TSHR: variants seen among roughly 807,000 people sequenced by gnomAD.
TSHR encodes the protein thyroid stimulating hormone receptor, also known as thyrotropin receptor.
In TSHR, 51 loss-of-function variants were observed where a neutral mutation model predicts 64.1. The observed-to-expected ratio is 0.80, with a 90% CI of 0.64 to 1.01. TSHR has a LOEUF of 1.01. Among genes scored for constraint, TSHR ranks in the 50% least tolerant of loss-of-function variants. The pLI is 0.00. For synonymous variants in TSHR, 361 were observed against 361.9 expected (o/e 1.00, Z 0.03); for missense variants, 877 against 942.8 (o/e 0.93, Z 0.91).
chr14:81,006,704 G>A (rs1889622844), intron 1 of TSHR, among the ~76,000 whole-genome samples: 1 of 151,920 alleles, frequency 6.6e-6, no homozygotes, highest in African/African-American at 2.4e-5. Context: ...TAGTAGAAAT[G>A]GGGTTTCACC....
At chr14:81,018,439 T>G (rs1374718640) in intron 1 of TSHR, among the ~76,000 whole-genome samples, 7 of 152,178 alleles carry the variant, frequency 4.6e-5, no homozygotes, top group Non-Finnish European at 8.8e-5. Context: ...ACACAGCGAA[T>G]GAGGAAGCAG....
At chr14:81,097,543 C>A (rs561260127) in intron 7 of TSHR, among the ~76,000 whole-genome samples, 29 of 152,230 alleles carry the variant, frequency 1.9e-4, no homozygotes, top group African/African-American at 6.5e-4. Context: ...CTAACAAACT[C>A]CCAGGTGATG....
At chr14:81,024,831 A>G (rs940729466) in intron 1 of TSHR, among the ~76,000 whole-genome samples, 2 of 152,188 alleles carry the variant, frequency 1.3e-5, no homozygotes, top group African/African-American at 4.8e-5. Flanking sequence ...CACTTTCAGC[A>G]ACACTAATGG....
intron 4 of TSHR, among the ~76,000 whole-genome samples, chr14:81,089,290 T>C (rs1888541496): frequency 6.6e-6 from 1 of 152,054 alleles, no homozygotes; most frequent in East Asian, 1.9e-4. Context: ...GCCTGGCCAA[T>C]AGTTGTATAT....
intron 1 of TSHR, among the ~76,000 whole-genome samples, chr14:80,990,934 C>G (rs1040725480): frequency 3.3e-5 from 5 of 152,214 alleles, no homozygotes; most frequent in African/African-American, 1.2e-4. Flanking sequence ...AGATTACAGG[C>G]ATGAGCCACT....
chr14:81,109,939 T>A (rs1185179930), intron 8 of TSHR, among the ~76,000 whole-genome samples: 1 of 152,230 alleles, frequency 6.6e-6, no homozygotes, highest in Non-Finnish European at 1.5e-5. Flanking sequence ...GGAAGATATT[T>A]TTCAATAACA....
intron 1 of TSHR, among the ~76,000 whole-genome samples, chr14:81,024,309 C>T (rs199654795): frequency 2.2e-4 from 33 of 151,858 alleles, no homozygotes; most frequent in Non-Finnish European, 4.1e-4. Context: ...AGTGCAGTGG[C>T]GCAATCTCGG....
chr14:81,068,272 G>A lies in TSHR; in HGVS notation c.261G>A (p.Val87=), dbSNP rs1383192232. ...CATTCAGCTACGTATCTATAGATGTGACTCTGCAGCAGCTGGAATCACACT... is the reference window on the plus strand; with the variant it reads ...CATTCAGCTACGTATCTATAGATGTAACTCTGCAGCAGCTGGAATCACACT... The part of the protein sequence containing the change: ...NISRIYVSID[V]TLQQLESHSF... Residue 87 remains valine (V), a synonymous_variant, in exon 3 of 10, where the codon GTG becomes GTA. Transcript: ENST00000298171. 6.2e-7 allele frequency: 1 copy of A among 1,612,938 alleles called. No homozygotes were observed.
At chr14:81,003,630 G>A in intron 1 of TSHR, 1 of 182,246 alleles carries the variant, frequency 5.5e-6, no homozygotes, top group Non-Finnish European at 1.2e-5. Context: ...TCTGGGTCGA[G>A]TGAATAGCAA....
At chr14:81,015,157 A>C (rs1358882916) in intron 1 of TSHR, among the ~76,000 whole-genome samples, 1 of 152,188 alleles carries the variant, frequency 6.6e-6, no homozygotes, top group Non-Finnish European at 1.5e-5. Context: ...CAAACAACCA[A>C]AATCCTTTTG....
intron 8 of TSHR, among the ~76,000 whole-genome samples, chr14:81,115,254 C>G (rs1451303971): frequency 1.3e-5 from 2 of 151,686 alleles, no homozygotes; most frequent in African/African-American, 4.9e-5. Flanking sequence ...GACATTCAAA[C>G]CAAAGGCAAA....
In TSHR at chr14:81,103,698, A is replaced by C; in HGVS notation, c.615-4677A>C. On this transcript the variant is annotated intron_variant, in intron 7 of 9. Coordinates refer to ENST00000298171, the MANE Select transcript of TSHR (RefSeq NM_000369.5). This position sits in a 1 kb window ranked among gnomAD's most constrained non-coding sequence, Gnocchi z 4.1. ...ATACAAGCATCCCTTGCTCAACAGA[A>C]GTTGAACTGTACTTGGTCACAAGTT... is the stretch of plus-strand genomic sequence containing the variant. 1.0e-6 allele frequency: 1 copy of C among 985,468 alleles called. No individual in the cohort carries two copies. The highest frequency in any genetic ancestry group is 4.7e-5 in the South Asian group (1 of 21,292). 61.0% of individuals were successfully genotyped at this position (985,468 alleles called of 1,614,324 possible).
chr14:81,050,632 G>A (rs1468052826), intron 1 of TSHR: 2 of 152,092 alleles, frequency 1.3e-5, no homozygotes, highest in African/African-American at 4.8e-5. Context: ...ACTCCATGTG[G>A]TAGGTACAAT....
intron 7 of TSHR, among the ~76,000 whole-genome samples, chr14:81,108,059 A>G (rs1026466935): frequency 2.6e-5 from 4 of 152,206 alleles, no homozygotes; most frequent in African/African-American, 9.7e-5. Context: ...GGCATTAAAG[A>G]GAATTAAAAA....
chr14:80,959,291 C>G (rs1886890348), intron 1 of TSHR: 1 of 152,162 alleles, frequency 6.6e-6, no homozygotes, highest in Non-Finnish European at 1.5e-5. Context: ...AAAAATCACT[C>G]TCTTCCATTG....
intron 8 of TSHR, among the ~76,000 whole-genome samples, chr14:81,127,717 C>G (rs1891074750): frequency 6.6e-6 from 1 of 152,132 alleles, no homozygotes; most frequent in African/African-American, 2.4e-5. Flanking sequence ...TCACTTGGCT[C>G]TCATTCCCTC....
In TSHR at chr14:81,143,982, T is replaced by C; in HGVS notation, c.1924T>C (p.Phe642Leu). The C allele has an allele frequency of 6.2e-7, 1 of 1,614,224 alleles. No homozygotes were observed. The stretch of plus-strand genomic sequence containing the variant: ...CTTCATATGCATGGCCCCAATCTCA[T>C]TCTATGCTCTGTCAGCAATTCTGAA... The part of the protein sequence containing the change: ...TDFICMAPIS[F>L]YALSAILNKP... Residue 642 changes from phenylalanine to leucine, a missense_variant, in exon 10 of 10, where the codon TTC (phenylalanine) becomes CTC (leucine). Phe to Leu is a conservative substitution (Grantham distance 22). Transcript: ENST00000298171.
chr14:81,114,851 T>A (rs1348120213), intron 8 of TSHR, among the ~76,000 whole-genome samples: 1 of 152,152 alleles, frequency 6.6e-6, no homozygotes, highest in Non-Finnish European at 1.5e-5. Flanking sequence ...GCAGACTGCC[T>A]CCTCAAGTGG....
chr14:81,065,890 T>C (rs747407803), intron 2 of TSHR, among the ~76,000 whole-genome samples: 5 of 152,194 alleles, frequency 3.3e-5, no homozygotes, highest in Non-Finnish European at 7.3e-5. Context: ...CCACTTGGGA[T>C]TCTGGCATAA....
Sources: gnomAD v4.1 joint callset for allele counts (sites outside exome capture counted in the v4.1 genomes callset) on GRCh38, gnomAD v4.1.1 for gene constraint, Gnocchi (gnomAD v3.1) non-coding constraint, MANE v1.5 for transcripts, NCBI Gene and HGNC (gene_info 2026-07-23, HGNC 2026-07-21) for gene names.